Variants in PCDHGA2 observed in about 807,000 individuals in gnomAD.
PCDHGA2 encodes protocadherin gamma subfamily A, 2.
Under a neutral mutation model 59.2 loss-of-function variants are expected in PCDHGA2, and 40 were observed. The observed-to-expected ratio is 0.68, with a 90% CI of 0.52 to 0.88. The LOEUF is 0.88. Ranked by LOEUF, PCDHGA2 falls within the 40% of genes least tolerant of loss-of-function variation. The pLI, the probability that PCDHGA2 is intolerant of heterozygous loss-of-function variation, is 0.00. For missense variants in PCDHGA2, 1,226 were observed against 1,204.0 expected (o/e 1.02, Z -0.27); for synonymous variants, 560 against 526.0 (o/e 1.06, Z -0.89).
rs755728848 is a variant in PCDHGA2 at position 141,341,457 on chromosome 5, T to A, written c.2424+62T>A. 4.4e-6 allele frequency: 7 copies of A among 1,603,988 alleles called. No individual in the cohort carries two copies. In the South Asian group the frequency reaches 7.8e-5, roughly 18 times the overall value. On this transcript the variant is annotated intron_variant, in intron 1 of 3. Transcript: ENST00000394576. ...TTGCTGAAGTAATTCACTTACTTGT[T>A]TACTATATCTATTTTGTTCCCCATA...
chr5:141,405,514 A>C, intron 1 of PCDHGA2: 1 of 704,834 alleles, frequency 1.4e-6, no homozygotes, highest in Non-Finnish European at 2.3e-6. Context: ...CCGCCTCCCA[A>C]ATTCAAGCGA....
intron 1 of PCDHGA2, chr5:141,404,805 C>T (rs770534822): frequency 1.7e-5 from 28 of 1,613,842 alleles, no homozygotes; most frequent in Admixed American, 6.7e-5. Context: ...GGGCTCTTCT[C>T]GGTGGGGCTG....
intron 1 of PCDHGA2, chr5:141,407,951 A>G (rs1256400393): frequency 1.7e-6 from 1 of 578,448 alleles, no homozygotes; most frequent in Non-Finnish European, 2.8e-6. Flanking sequence ...GCTGTCGGCC[A>G]GTGCAGAGCA....
At chr5:141,407,615 A>T (rs780052436) in intron 1 of PCDHGA2, among the ~76,000 whole-genome samples, 2 of 152,140 alleles carry the variant, frequency 1.3e-5, no homozygotes, top group Non-Finnish European at 2.9e-5. Context: ...GCATTGGTTG[A>T]CATTCTATAT....
At position 141,491,196 on chromosome 5, in the gene PCDHGA2, T is replaced by C. The variant is rs899789155; in HGVS notation, c.2425-3611T>C. ...TGGTGGTCCTGGTGAGGGACAATGGTGACCCTTCACTCTCCTCCACAGCCA... is the reference window on the plus strand; with the variant it reads ...TGGTGGTCCTGGTGAGGGACAATGGCGACCCTTCACTCTCCTCCACAGCCA... On this transcript the variant is annotated intron_variant, in intron 1 of 3. Transcript: ENST00000394576. The surrounding 1 kb of genome is among the most constrained non-coding windows in gnomAD (Gnocchi z 6.9). The C allele has an allele frequency of 6.8e-6, 11 of 1,614,186 alleles. No homozygotes were observed. The highest frequency in any genetic ancestry group is 9.3e-6 in the Non-Finnish European group (11 of 1,180,030).
At position 141,339,786 on chromosome 5, in the gene PCDHGA2, G is replaced by A. The variant is rs772509350; in HGVS notation, c.815G>A (p.Gly272Asp). The change falls in exon 1 of 4, where the codon GGC becomes GAC. Residue 272 changes from glycine to aspartate, a missense_variant. By Grantham distance (94) the Gly-to-Asp change is moderately conservative. Coordinates refer to ENST00000394576, the MANE Select transcript of PCDHGA2 (RefSeq NM_018915.4). ...LTVTATDADE[G>D]YYAQVVYFLE... Reference sequence around the variant, plus strand: ...GTGACCGCCACTGACGCAGATGAGGGCTACTACGCTCAAGTGGTATATTTT... The same window carrying A: ...GTGACCGCCACTGACGCAGATGAGGACTACTACGCTCAAGTGGTATATTTT... The A allele has an allele frequency of 6.2e-7, 1 of 1,614,200 alleles. No homozygotes were observed. The highest frequency in any genetic ancestry group is 8.5e-7 in the Non-Finnish European group (1 of 1,180,034).
Position 141,432,211 on chromosome 5 carries a change from C to T in PCDHGA2, c.2425-62596C>T. 6.2e-7 allele frequency: 1 copy of T among 1,614,232 alleles called. No homozygotes were observed. The highest frequency in any genetic ancestry group is 8.5e-7 in the Non-Finnish European group (1 of 1,180,044). On this transcript the variant is annotated intron_variant, in intron 1 of 3. Coordinates refer to ENST00000394576, the MANE Select transcript of PCDHGA2 (RefSeq NM_018915.4). The surrounding 1 kb of genome is among the most constrained non-coding windows in gnomAD (Gnocchi z 6.0). ...CCCACGACCCCGACTGTGAAGAGAA[C>T]GCCCAGATCACTTATTCCCTGGCTG... is the stretch of plus-strand genomic sequence containing the variant.
At chr5:141,342,559 A>T (rs7701092) in intron 1 of PCDHGA2, 1 of 152,210 alleles carries the variant, frequency 6.6e-6, no homozygotes, top group South Asian at 2.1e-4. Context: ...ATTTTCTGAG[A>T]CAAGGTGTTG....
intron 1 of PCDHGA2, chr5:141,416,520 G>A (rs1209482346): frequency 6.6e-6 from 1 of 152,136 alleles, no homozygotes; most frequent in African/African-American, 2.4e-5. Context: ...TATTTCAGTG[G>A]CTCTTTAATG....
intron 1 of PCDHGA2, chr5:141,342,137 G>A (rs1757127319): frequency 6.6e-6 from 1 of 151,872 alleles, no homozygotes; most frequent in African/African-American, 2.4e-5. Flanking sequence ...TCATACGTGG[G>A]AACCATACTG....
intron 1 of PCDHGA2, among the ~76,000 whole-genome samples, chr5:141,466,180 AT>A (rs922532578): frequency 6.6e-6 from 1 of 151,138 alleles, no homozygotes; most frequent in Admixed American, 6.6e-5. Context: ...TTTTATTTTT[AT>A]TTTTTTTCAG....
At chr5:141,497,479 G>A (rs1028715475) in intron 2 of PCDHGA2, among the ~76,000 whole-genome samples, 5 of 151,886 alleles carry the variant, frequency 3.3e-5, no homozygotes, top group Non-Finnish European at 7.4e-5. Flanking sequence ...GAGAAGGTGC[G>A]GAACCTCTCT....
chr5:141,433,048 G>T (rs777523454), intron 1 of PCDHGA2: 20 of 1,614,142 alleles, frequency 1.2e-5, no homozygotes, highest in Non-Finnish European at 1.5e-5. Flanking sequence ...CCACGGACTC[G>T]CGGAAGAGTC....
chr5:141,357,567 G>C (rs751974557), intron 1 of PCDHGA2: 39 of 1,614,096 alleles, frequency 2.4e-5, no homozygotes, highest in Non-Finnish European at 3.2e-5. Context: ...AGAAAAGCGA[G>C]CCTCTTCTGA....
At chr5:141,356,451 AT>A in intron 1 of PCDHGA2, 1 of 1,613,212 alleles carries the variant, frequency 6.2e-7, no homozygotes, top group Non-Finnish European at 8.5e-7. Flanking sequence ...AAGTCTCAGA[AT>A]ATAACATCAC....
chr5:141,495,853 C>T (rs1254274145), intron 2 of PCDHGA2, among the ~76,000 whole-genome samples: 1 of 152,136 alleles, frequency 6.6e-6, no homozygotes, highest in African/African-American at 2.4e-5. Context: ...TTCTCTGTCT[C>T]TCACTATTTC....
chr5:141,345,739 C>T, intron 1 of PCDHGA2: 2 of 1,614,240 alleles, frequency 1.2e-6, no homozygotes, highest in Non-Finnish European at 1.7e-6. Flanking sequence ...GCCCTCCCCA[C>T]AGACGGTTCC....
intron 1 of PCDHGA2, among the ~76,000 whole-genome samples, chr5:141,483,255 G>T (rs1383670642): frequency 1.3e-5 from 2 of 152,030 alleles, no homozygotes; most frequent in African/African-American, 2.4e-5. Context: ...ATATCATGAG[G>T]TTTTTTTGTT....
intron 1 of PCDHGA2, chr5:141,362,629 G>C: frequency 1.3e-6 from 2 of 1,492,810 alleles, no homozygotes; most frequent in Non-Finnish European, 1.8e-6. Flanking sequence ...GTTCCACTGC[G>C]TATTTCTTTG....
Sources: allele counts gnomAD v4.1 joint callset (sites outside exome capture counted in the v4.1 genomes callset), GRCh38; gene constraint gnomAD v4.1.1; non-coding constraint Gnocchi (gnomAD v3.1); transcripts MANE v1.5; gene names NCBI Gene and HGNC (gene_info 2026-07-23, HGNC 2026-07-21).